Variants in CTTN observed in about 807,000 individuals in gnomAD.
The protein encoded by CTTN is cortactin, also known as src substrate cortactin.
CTTN carries 28 observed loss-of-function variants against 84.0 expected under a neutral mutation model. The ratio of observed to expected loss-of-function variants is 0.33; its 90% confidence interval spans 0.25 to 0.46. The LOEUF is 0.46. Ranked by LOEUF, CTTN falls within the 20% of genes least tolerant of loss-of-function variation. CTTN has a pLI of 1.00. For missense variants in CTTN, 641 were observed against 723.8 expected, an observed-to-expected ratio of 0.89 and a Z score of 1.31; for synonymous variants, 301 against 288.8, an observed-to-expected ratio of 1.04 and a Z score of -0.43.
chr11:70,411,610 T>C (rs2058097248), intron 5 of CTTN, among the ~76,000 whole-genome samples: 1 of 152,108 alleles, frequency 6.6e-6, no homozygotes, highest in African/African-American at 2.4e-5. Context: ...GAAAATTACA[T>C]ATTGGGGAAA....
Position 70,435,203 on chromosome 11 carries a change from C to G in CTTN, c.*41C>G. 1 of 1,530,370 alleles carries G rather than the reference C, an allele frequency of 6.5e-7. No homozygotes were observed. The highest frequency in any genetic ancestry group is 1.4e-5 in the African/African-American group (1 of 71,652). 94.8% of individuals were successfully genotyped at this position (1,530,370 alleles called of 1,614,324 possible). A position where few individuals can be genotyped will look rare whatever the true frequency, so the allele number is the denominator to read the frequency against. On this transcript the variant is annotated 3_prime_UTR_variant, in exon 18 of 18. Transcript: ENST00000301843. The stretch of plus-strand genomic sequence containing the variant: ...CCCGGAGCTGCGCCCTGGATCCTCA[C>G]ACTACAGATCAGGCCTTCTTTGGTT...
At chr11:70,424,101 G>A (rs1446356332) in intron 12 of CTTN, among the ~76,000 whole-genome samples, 3 of 152,186 alleles carry the variant, frequency 2.0e-5, no homozygotes. Context: ...AGAGAGAGCT[G>A]GGGTAGGGCC....
chr11:70,405,525 T>C (rs1470821744), intron 2 of CTTN, among the ~76,000 whole-genome samples, 164 bp downstream of exon 2: 1 of 152,010 alleles, frequency 6.6e-6, no homozygotes, highest in Non-Finnish European at 1.5e-5. Flanking sequence ...TAAAGTCAGG[T>C]TTCTGTTGCA....
At chr11:70,409,448 G>T (rs116429667) in intron 4 of CTTN, among the ~76,000 whole-genome samples, 1 of 152,202 alleles carries the variant, frequency 6.6e-6, no homozygotes, top group Admixed American at 6.5e-5. Context: ...GCCAGTGGCC[G>T]AGGAAGGGAC....
intron 5 of CTTN, among the ~76,000 whole-genome samples, chr11:70,411,118 A>C (rs902433065): frequency 6.6e-6 from 1 of 152,236 alleles, no homozygotes; most frequent in Non-Finnish European, 1.5e-5. Context: ...GTCTAAAAAA[A>C]GTCTGGTAGC....
intron 8 of CTTN, among the ~76,000 whole-genome samples, chr11:70,418,857 ACCT>A (rs1466875585): frequency 2.7e-5 from 4 of 149,176 alleles, no homozygotes; most frequent in Non-Finnish European, 5.9e-5. Flanking sequence ...GCTCAGTGCA[ACCT>A]CCTCCTTCCG....
At chr11:70,424,546 C>G (rs1014879060) in intron 12 of CTTN, among the ~76,000 whole-genome samples, 1 of 151,980 alleles carries the variant, frequency 6.6e-6, no homozygotes, top group African/African-American at 2.4e-5. Context: ...GAAGTTGCCC[C>G]CTCAGGGCAA....
At chr11:70,426,010 C>T (rs1337479486) in intron 13 of CTTN, among the ~76,000 whole-genome samples, 1 of 152,118 alleles carries the variant, frequency 6.6e-6, no homozygotes, top group African/African-American at 2.4e-5. Context: ...GGCTATGGAC[C>T]CACAGTTCTC....
rs372656980 is a variant in CTTN, at chr11:70,415,640, T to C, written c.403-23T>C. ...TTGGAAAGTATTTCTCCCCACTTTTTCATGTGTTTTTGGTCGTCACAGTCT... is the reference window on the plus strand; with the variant it reads ...TTGGAAAGTATTTCTCCCCACTTTTCCATGTGTTTTTGGTCGTCACAGTCT... On this transcript the variant is annotated intron_variant, in intron 6 of 17. Transcript: ENST00000301843. 21 of 1,607,252 alleles carry C rather than the reference T, an allele frequency of 1.3e-5. No individual in the cohort carries two copies. The South Asian group carries it at 1.5e-4, about 12-fold the overall frequency.
At chr11:70,431,407 C>T in intron 15 of CTTN, 127 bp downstream of exon 15, 1 of 991,770 alleles carries the variant, frequency 1.0e-6, no homozygotes. Flanking sequence ...TCGCTGCATT[C>T]CACGCCCGGA....
intron 17 of CTTN, among the ~76,000 whole-genome samples, 180 bp downstream of exon 17, chr11:70,433,898 G>A (rs1004798123): frequency 2.6e-5 from 4 of 152,192 alleles, no homozygotes; most frequent in South Asian, 2.1e-4. Context: ...TTCCCTACCC[G>A]GATTCCATCT....
intron 8 of CTTN, 74 bp from the exon 9 acceptor site, chr11:70,419,672 C>T: frequency 1.5e-6 from 2 of 1,305,972 alleles, no homozygotes; most frequent in South Asian, 1.3e-5. Context: ...TTTTTTTAAT[C>T]AAAGGATAAA....
intron 6 of CTTN, among the ~76,000 whole-genome samples, chr11:70,415,163 C>T (rs1000469437): frequency 1.3e-5 from 2 of 152,078 alleles, no homozygotes; most frequent in South Asian, 2.1e-4. Flanking sequence ...TGATGCTGGT[C>T]GCAGATTGTG....
intron 13 of CTTN, among the ~76,000 whole-genome samples, chr11:70,428,087 C>A (rs1043546275): frequency 1.3e-5 from 2 of 150,040 alleles, no homozygotes; most frequent in African/African-American, 2.4e-5. Context: ...TATTCATGGT[C>A]CTTGAGACAC....
chr11:70,429,827 G>A (rs1358870894), intron 14 of CTTN, among the ~76,000 whole-genome samples: 1 of 145,240 alleles, frequency 6.9e-6, no homozygotes, highest in Non-Finnish European at 1.5e-5. Flanking sequence ...AGCTGGATCA[G>A]GGGGGTTGTG....
At position 70,433,684 on chromosome 11, in the gene CTTN, G is replaced by A; in HGVS notation, c.1482G>A (p.Gly494=). ...ACGATGAGTACGAGAACGATCTGGGGATCACAGCCGTCGCCCTGTACGACT... is the reference window on the plus strand; with the variant it reads ...ACGATGAGTACGAGAACGATCTGGGAATCACAGCCGTCGCCCTGTACGACT... ...STYDEYENDL[G]ITAVALYDYQ... The change falls in exon 17 of 18, where the codon GGG becomes GGA. Residue 494 remains glycine (G), a synonymous_variant. Coordinates refer to ENST00000301843, the MANE Select transcript of CTTN (RefSeq NM_005231.4). The A allele has an allele frequency of 6.2e-7, 1 of 1,613,930 alleles. No homozygotes were observed. Among genetic ancestry groups the A allele is most frequent in the Non-Finnish European group, 8.5e-7 (1 of 1,179,830 alleles).
rs140074465 is a variant in CTTN at position 70,427,548 on chromosome 11, G to A, written c.1028-1503G>A. ...TGTGGAATCACCTAGGTAGGCGATT[G>A]GGAAAGGGAGGAGTGTTTGTAACCT... On this transcript the variant is annotated intron_variant, in intron 13 of 17. Transcript: ENST00000301843. 9.2e-5 allele frequency among the ~76,000 whole-genome samples: 14 copies of A among 152,356 alleles called. No individual in the cohort carries two copies. The East Asian group carries it at 2.7e-3, about 29-fold the overall frequency.
At chr11:70,410,007 C>T in intron 5 of CTTN, 47 bp downstream of exon 5, 1 of 1,605,612 alleles carries the variant, frequency 6.2e-7, no homozygotes, top group Non-Finnish European at 8.5e-7. Context: ...TGTGCTTGGA[C>T]CACTAGACTG....
intron 4 of CTTN, chr11:70,408,309 T>C (rs1039220276): frequency 1.3e-5 from 2 of 152,244 alleles, no homozygotes; most frequent in African/African-American, 4.8e-5. Flanking sequence ...CACGGTCCCT[T>C]CAGCTGAGAA....
Sources: gnomAD v4.1 joint callset for allele counts (sites outside exome capture counted in the v4.1 genomes callset) on GRCh38, gnomAD v4.1.1 for gene constraint, MANE v1.5 for transcripts, NCBI Gene and HGNC (gene_info 2026-07-23, HGNC 2026-07-21) for gene names.